Variants in FKBP5 observed in about 807,000 individuals in gnomAD.
FKBP5 encodes FKBP prolyl isomerase 5, also known as peptidyl-prolyl cis-trans isomerase FKBP5.
FKBP5 carries 23 observed loss-of-function variants against 50.5 expected under a neutral mutation model. The observed-to-expected ratio is 0.46, with a 90% CI of 0.33 to 0.65. The LOEUF (loss-of-function observed/expected upper bound fraction) is 0.65, where lower values mean the gene tolerates loss of function less well. Ranked by LOEUF, FKBP5 falls within the 30% of genes least tolerant of loss-of-function variation. The pLI, the probability that FKBP5 is intolerant of heterozygous loss-of-function variation, is 0.02. For missense variants in FKBP5, 411 were observed against 553.1 expected, an observed-to-expected ratio of 0.74 and a Z score of 2.58; for synonymous variants, 176 against 190.6, an observed-to-expected ratio of 0.92 and a Z score of 0.63.
chr6:35,586,201 G>A (rs906571482), intron 8 of FKBP5: 1 of 984,872 alleles, frequency 1.0e-6, no homozygotes, highest in African/African-American at 1.8e-5. Context: ...GATTAAAACA[G>A]AATGAAGGGC....
chr6:35,576,742 A>C (rs1450808791), intron 10 of FKBP5, among the ~76,000 whole-genome samples: 1 of 152,124 alleles, frequency 6.6e-6, no homozygotes, highest in Non-Finnish European at 1.5e-5. Context: ...GTAATGGTAA[A>C]AACCACAATT....
chr6:35,697,547 CAAAA>C (rs369940228), intron 2 of FKBP5, among the ~76,000 whole-genome samples: 17 of 124,152 alleles, frequency 1.4e-4, no homozygotes, highest in African/African-American at 5.0e-4. Flanking sequence ...AACTCTGTCT[CAAAA>C]AAAAAAAAAA....
rs553380306 is a variant in FKBP5 at position 35,716,247 on chromosome 6, C to A, written c.-20+4081G>T. 3.7e-4 allele frequency among the ~76,000 whole-genome samples: 57 copies of A among 152,158 alleles called. 1 individual carries two copies. The highest frequency in any genetic ancestry group is 3.3e-3 in the Admixed American group (50 of 15,276). Reference sequence around the variant, plus strand: ...AATTAGCCGGGTATGGTGGCACACACCCATAGTCCTAGGTACTCAAGAGGC... The same window carrying A: ...AATTAGCCGGGTATGGTGGCACACAACCATAGTCCTAGGTACTCAAGAGGC... On this transcript the variant is annotated intron_variant, in intron 2 of 11. Coordinates refer to the FKBP5 transcript ENST00000536438.
chr6:35,587,654 T>C (rs959562500), intron 7 of FKBP5, among the ~76,000 whole-genome samples: 5 of 152,226 alleles, frequency 3.3e-5, no homozygotes, highest in Admixed American at 2.6e-4. Flanking sequence ...TGCAGATGTA[T>C]ACTGGGGGGG....
chr6:35,716,486 A>C (rs769135040), intron 2 of FKBP5, among the ~76,000 whole-genome samples: 38 of 152,040 alleles, frequency 2.5e-4, no homozygotes, highest in Non-Finnish European at 5.1e-4. Context: ...TTTGAGATTC[A>C]TTCTCGGGAG....
rs186935685 is a variant in FKBP5 at position 35,682,373 on chromosome 6, T to C, written c.-20+6431A>G. On this transcript the variant is annotated intron_variant, in intron 1 of 10. Transcript: ENST00000357266. Reference sequence around the variant, plus strand: ...CAAAAAGTAACCTATCGCAGCATTATGTCCATGACTGGGACATCTTGACTT... The same window carrying C: ...CAAAAAGTAACCTATCGCAGCATTACGTCCATGACTGGGACATCTTGACTT... Among the ~76,000 whole-genome samples the C allele has an allele frequency of 8.4e-4, 128 of 152,364 alleles. 2 individuals carry two copies. Among genetic ancestry groups the C allele is most frequent in the African/African-American group, 3.0e-3 (124 of 41,580 alleles).
At chr6:35,595,428 T>C (rs2150963283) in intron 6 of FKBP5, among the ~76,000 whole-genome samples, 1 of 152,358 alleles carries the variant, frequency 6.6e-6, no homozygotes, top group Admixed American at 6.5e-5. Context: ...TTAGAACTAC[T>C]GTAATTTTGA....
At chr6:35,649,510 G>T (rs1032658957) in intron 1 of FKBP5, among the ~76,000 whole-genome samples, 2 of 151,456 alleles carry the variant, frequency 1.3e-5, no homozygotes, top group African/African-American at 2.4e-5. Flanking sequence ...CATCTCCCAA[G>T]AACACTAAGC....
chr6:35,611,505 A>G (rs1388250490), intron 5 of FKBP5, among the ~76,000 whole-genome samples: 2 of 152,120 alleles, frequency 1.3e-5, no homozygotes, highest in African/African-American at 4.8e-5. Flanking sequence ...AGACTGGGGG[A>G]TGGGGGAAGA....
At chr6:35,722,579 T>C (rs1470158803) in intron 1 of FKBP5, among the ~76,000 whole-genome samples, 1 of 152,202 alleles carries the variant, frequency 6.6e-6, no homozygotes, top group Non-Finnish European at 1.5e-5. Flanking sequence ...GCCTCTGGCC[T>C]CATCTCCCCG....
At chr6:35,685,872 C>G (rs112382821) in intron 1 of FKBP5, among the ~76,000 whole-genome samples, 177 of 151,214 alleles carry the variant, frequency 1.2e-3, no homozygotes, top group Non-Finnish European at 2.1e-3. Flanking sequence ...GTGTCAGCTA[C>G]TCAGGAGGCT....
At chr6:35,582,319 C>T in intron 8 of FKBP5, 1 of 980,298 alleles carries the variant, frequency 1.0e-6, no homozygotes, top group Non-Finnish European at 1.2e-6. Flanking sequence ...AATTGTGTCC[C>T]CCATCCTAAA....
chr6:35,712,855 T>C (rs936992491), intron 2 of FKBP5, among the ~76,000 whole-genome samples: 1 of 151,994 alleles, frequency 6.6e-6, no homozygotes, highest in Non-Finnish European at 1.5e-5. Context: ...CCAAAACTAC[T>C]TAGTAAACCT....
At chr6:35,599,929 T>A (rs757485480) in intron 5 of FKBP5, among the ~76,000 whole-genome samples, 10 of 152,210 alleles carry the variant, frequency 6.6e-5, no homozygotes, top group Non-Finnish European at 1.3e-4. Context: ...AGATGTGTCA[T>A]CAGGTATTCT....
At chr6:35,616,314 C>CAAAAAA (rs34779549) in intron 5 of FKBP5, among the ~76,000 whole-genome samples, 26 of 57,466 alleles carry the variant, frequency 4.5e-4, no homozygotes, top group East Asian at 1.1e-3. Flanking sequence ...GACTCCATCT[C>CAAAAAA]AAAAAAAAAA....
intron 6 of FKBP5, among the ~76,000 whole-genome samples, chr6:35,593,413 GAC>G (rs1377747232): frequency 6.6e-6 from 1 of 152,182 alleles, no homozygotes; most frequent in Non-Finnish European, 1.5e-5. Context: ...TGCAGATAAA[GAC>G]ACAGAGTGCT....
chr6:35,685,710 G>A (rs970071490), intron 1 of FKBP5, among the ~76,000 whole-genome samples: 5 of 152,220 alleles, frequency 3.3e-5, no homozygotes, highest in Admixed American at 3.3e-4. Flanking sequence ...GGCTAGGCGC[G>A]ATGGCTCACG....
At chr6:35,712,067 A>G (rs1201531570) in intron 2 of FKBP5, among the ~76,000 whole-genome samples, 1 of 151,286 alleles carries the variant, frequency 6.6e-6, no homozygotes, top group African/African-American at 2.4e-5. Flanking sequence ...AAAAGTAGAA[A>G]CAGCGTGTCC....
intron 2 of FKBP5, among the ~76,000 whole-genome samples, chr6:35,694,781 T>G (rs562225152): frequency 6.6e-6 from 1 of 152,248 alleles, no homozygotes; most frequent in East Asian, 1.9e-4. Flanking sequence ...AAGATTGGGG[T>G]TTTTTTAGTT....
Sources: gnomAD v4.1 joint callset for allele counts (sites outside exome capture counted in the v4.1 genomes callset) on GRCh38, gnomAD v4.1.1 for gene constraint, MANE v1.5 for transcripts, NCBI Gene and HGNC (gene_info 2026-07-23, HGNC 2026-07-21) for gene names.